KIAA1217: variants seen among roughly 807,000 people sequenced by gnomAD.
KIAA1217 encodes sickle tail protein homolog.
In KIAA1217, 88 loss-of-function variants were observed where a neutral mutation model predicts 163.9. That is an observed-to-expected ratio of 0.54 (90% CI 0.45 to 0.64). The LOEUF is 0.64. KIAA1217 is among the 30% of genes least tolerant of loss of function. The probability of loss-of-function intolerance (pLI) is 0.00; values close to 1 mark genes in which losing one functional copy is unlikely to be tolerated. For missense variants in KIAA1217, 2,372 were observed against 2,475.0 expected, an observed-to-expected ratio of 0.96 and a Z score of 0.88; for synonymous variants, 903 against 923.1, an observed-to-expected ratio of 0.98 and a Z score of 0.39.
chr10:23,947,640 A>C (rs1844117957), intron 1 of KIAA1217, among the ~76,000 whole-genome samples: 1 of 152,232 alleles, frequency 6.6e-6, no homozygotes, highest in East Asian at 1.9e-4. Context: ...TTAAAATTAT[A>C]AAATTGCCAT....
At chr10:24,371,037 T>C (rs1485783986) in intron 2 of KIAA1217, among the ~76,000 whole-genome samples, 1 of 152,224 alleles carries the variant, frequency 6.6e-6, no homozygotes, top group Non-Finnish European at 1.5e-5. Flanking sequence ...AGAAGGATGC[T>C]AAATGGAGAT....
At chr10:24,036,503 A>T (rs944920135) in intron 2 of KIAA1217, among the ~76,000 whole-genome samples, 1 of 152,166 alleles carries the variant, frequency 6.6e-6, no homozygotes, top group Non-Finnish European at 1.5e-5. Context: ...ATAAAGGAAT[A>T]CTTGAAACTG....
chr10:24,421,851 T>A (rs1440692230), intron 3 of KIAA1217, among the ~76,000 whole-genome samples: 1 of 152,230 alleles, frequency 6.6e-6, no homozygotes, highest in Non-Finnish European at 1.5e-5. Flanking sequence ...GTTCATATAT[T>A]GCTGTATTTG....
At chr10:24,141,225 ACCC>A (rs34205608) in intron 2 of KIAA1217, among the ~76,000 whole-genome samples, 1 of 76,258 alleles carries the variant, frequency 1.3e-5, no homozygotes, top group Non-Finnish European at 2.7e-5. Context: ...GAAAGAATAA[ACCC>A]CCCCCCCCCA....
chr10:24,425,954 T>C (rs2059136027), intron 3 of KIAA1217, among the ~76,000 whole-genome samples: 1 of 152,244 alleles, frequency 6.6e-6, no homozygotes, highest in Admixed American at 6.5e-5. Flanking sequence ...AATTTTAATA[T>C]TTTTCATAAG....
At chr10:24,081,446 G>A (rs990972978) in intron 2 of KIAA1217, among the ~76,000 whole-genome samples, 7 of 152,230 alleles carry the variant, frequency 4.6e-5, no homozygotes, top group African/African-American at 1.7e-4. Context: ...ACCTGACCCT[G>A]GGATGGCACC....
chr10:23,884,329 T>C (rs961811347), intron 1 of KIAA1217, among the ~76,000 whole-genome samples: 1 of 151,992 alleles, frequency 6.6e-6, no homozygotes, highest in Admixed American at 6.6e-5. Context: ...AACATCCCAT[T>C]GTTGCTTTAA....
chr10:23,862,130 G>A (rs1457504434), intron 1 of KIAA1217, among the ~76,000 whole-genome samples: 1 of 152,144 alleles, frequency 6.6e-6, no homozygotes, highest in Non-Finnish European at 1.5e-5. Flanking sequence ...GCATTTAGGT[G>A]AGTTCATAGC....
intron 2 of KIAA1217, among the ~76,000 whole-genome samples, chr10:24,081,262 A>G (rs1354609470): frequency 1.3e-5 from 2 of 152,152 alleles, no homozygotes; most frequent in African/African-American, 4.8e-5. Flanking sequence ...GGAAGCCAAG[A>G]CTGGTTTTAT....
intron 5 of KIAA1217, among the ~76,000 whole-genome samples, chr10:24,463,096 G>T (rs1213715239): frequency 1.3e-5 from 2 of 152,174 alleles, no homozygotes; most frequent in Non-Finnish European, 2.9e-5. Flanking sequence ...ACAAAAGGAG[G>T]TTGTCCTTGG....
At chr10:23,934,575 A>ATGTGTGTGTGTG (rs1420302818) in intron 1 of KIAA1217, among the ~76,000 whole-genome samples, 788 of 65,670 alleles carry the variant, frequency 0.012, 21 homozygotes, top group Middle Eastern at 0.02. Context: ...ATATATATAT[A>ATGTGTGTGTGTG]TATATATATA....
intron 2 of KIAA1217, among the ~76,000 whole-genome samples, chr10:24,335,611 T>TATTTATTTATTTATTTATTC (rs1564492356): frequency 6.9e-6 from 1 of 145,306 alleles, no homozygotes; most frequent in South Asian, 2.3e-4. Flanking sequence ...TTTATTTATT[T>TATTTATTTATTTATTTATTC]ATTTATTTAT....
chr10:23,848,416 A>G (rs1447264877), intron 1 of KIAA1217, among the ~76,000 whole-genome samples: 1 of 151,590 alleles, frequency 6.6e-6, no homozygotes, highest in Admixed American at 6.6e-5. Flanking sequence ...TGTTCATGGA[A>G]CCCTTTACCA....
intron 2 of KIAA1217, among the ~76,000 whole-genome samples, chr10:24,055,695 C>T (rs1168479243): frequency 5.3e-5 from 8 of 151,994 alleles, no homozygotes; most frequent in Non-Finnish European, 1.5e-5. Flanking sequence ...ATTTCTGGCA[C>T]AATGTAAAGT....
rs546203434 is a variant in KIAA1217 at position 24,135,067 on chromosome 10, C to T, written c.-170-84559C>T. On this transcript the variant is annotated intron_variant, in intron 2 of 18. Transcript: ENST00000376462. Reference sequence around the variant, plus strand: ...GAAGTTCCTTTTCTGACAGGCAGCTCCTACATTCTGTGACCTCCAACAAGT... The same window carrying T: ...GAAGTTCCTTTTCTGACAGGCAGCTTCTACATTCTGTGACCTCCAACAAGT... Among the ~76,000 whole-genome samples the T allele has an allele frequency of 2.6e-5, 4 of 152,234 alleles. No homozygotes were observed. In the South Asian group the frequency reaches 6.2e-4, roughly 24 times the overall value.
chr10:24,426,716 A>G (rs1308563143), intron 3 of KIAA1217, among the ~76,000 whole-genome samples: 2 of 152,178 alleles, frequency 1.3e-5, no homozygotes, highest in African/African-American at 4.8e-5. Context: ...TGAGGAAATG[A>G]TGGAGTAGTA....
intron 2 of KIAA1217, among the ~76,000 whole-genome samples, chr10:24,096,441 C>G (rs931878519): frequency 6.6e-6 from 1 of 152,204 alleles, no homozygotes; most frequent in Non-Finnish European, 1.5e-5. Flanking sequence ...ACCTCCTTCA[C>G]GTTGCAGCTG....
intron 1 of KIAA1217, among the ~76,000 whole-genome samples, chr10:23,809,786 A>G (rs1273543749): frequency 6.6e-6 from 1 of 152,070 alleles, no homozygotes; most frequent in African/African-American, 2.4e-5. Context: ...ATTTAATACC[A>G]AGGAATAACT....
chr10:24,146,295 C>G (rs2064309070), intron 2 of KIAA1217, among the ~76,000 whole-genome samples: 1 of 152,110 alleles, frequency 6.6e-6, no homozygotes, highest in African/African-American at 2.4e-5. Flanking sequence ...GTTGCCCATT[C>G]TAAGTTTTTA....
Sources: allele counts gnomAD v4.1 joint callset (sites outside exome capture counted in the v4.1 genomes callset), GRCh38; gene constraint gnomAD v4.1.1; transcripts MANE v1.5; gene names NCBI Gene and HGNC (gene_info 2026-07-23, HGNC 2026-07-21).